The following SPECC1 variants were observed in gnomAD, a reference collection of about 807,000 sequenced individuals.
The protein encoded by SPECC1 is cytospin-B.
SPECC1 carries 62 observed loss-of-function variants against 104.1 expected under a neutral mutation model. The observed-to-expected ratio is 0.60, with a 90% CI of 0.49 to 0.74. The LOEUF (loss-of-function observed/expected upper bound fraction) is 0.74, where lower values mean the gene tolerates loss of function less well. Ranked by LOEUF, SPECC1 falls within the 30% of genes least tolerant of loss-of-function variation. SPECC1 has a pLI of 0.00. For missense variants in SPECC1, 1,306 were observed against 1,310.5 expected (o/e 1.00, Z 0.05); for synonymous variants, 513 against 501.6 (o/e 1.02, Z -0.30).
chr17:20,205,026 C>T lies in SPECC1; in HGVS notation c.977C>T (p.Pro326Leu). 1 of 1,614,084 alleles carries T rather than the reference C, an allele frequency of 6.2e-7. No individual in the cohort carries two copies. Among genetic ancestry groups the T allele is most frequent in the Non-Finnish European group, 8.5e-7 (1 of 1,180,004 alleles). Residue 326 changes from proline (P) to leucine (L), a missense_variant, in exon 4 of 15, where the codon CCA becomes CTA. Physicochemically the swap from Pro to Leu is moderately conservative, Grantham distance 98 (BLOSUM62 -3). This residue lies in a region of SPECC1 where 1,177 missense variants were observed against 1,139.9 expected (regional missense o/e 1.03). Transcript: ENST00000395527. ...GATGTTACCAAAGCTTCTTTGTCGC[C>T]AGATGCTTCCGACTTTGAGCACATT... Reference protein sequence around the residue: ...SSDVTKASLSPDASDFEHITA... With the variant: ...SSDVTKASLSLDASDFEHITA...
chr17:20,250,709 G>A (rs1442625144), intron 9 of SPECC1, among the ~76,000 whole-genome samples: 1 of 152,164 alleles, frequency 6.6e-6, no homozygotes, highest in Non-Finnish European at 1.5e-5. Flanking sequence ...TAGGAAAGAG[G>A]TCAGCATAGC....
At chr17:20,255,358 G>A (rs369088497) in intron 10 of SPECC1, among the ~76,000 whole-genome samples, 44 of 152,328 alleles carry the variant, frequency 2.9e-4, no homozygotes, top group African/African-American at 9.9e-4. Flanking sequence ...CACCATCTCC[G>A]TGCTTGCTGT....
chr17:20,286,636 C>G (rs2040956136), intron 12 of SPECC1, among the ~76,000 whole-genome samples: 1 of 152,184 alleles, frequency 6.6e-6, no homozygotes, highest in Non-Finnish European at 1.5e-5. Flanking sequence ...TGCCCGGCCA[C>G]CCATGTCCCA....
At chr17:20,228,702 C>T (rs984510329) in intron 5 of SPECC1, among the ~76,000 whole-genome samples, 3 of 152,132 alleles carry the variant, frequency 2.0e-5, no homozygotes, top group African/African-American at 7.2e-5. Flanking sequence ...AGATGTTTGC[C>T]ACTTAGTTGC....
intron 1 of SPECC1, among the ~76,000 whole-genome samples, chr17:20,044,706 G>C (rs1329351685): frequency 6.6e-6 from 1 of 152,144 alleles, no homozygotes; most frequent in African/African-American, 2.4e-5. Flanking sequence ...TTTTAATAAG[G>C]GTTCCAAATG....
At chr17:20,111,691 A>G (rs1341798264) in intron 3 of SPECC1, 2 of 602,070 alleles carry the variant, frequency 3.3e-6, no homozygotes, top group Admixed American at 2.5e-5. Flanking sequence ...TGTGTCCCCA[A>G]AAGCAGGAAG....
chr17:20,156,446 C>G (rs2032539767), intron 3 of SPECC1, among the ~76,000 whole-genome samples: 1 of 152,186 alleles, frequency 6.6e-6, no homozygotes, highest in Non-Finnish European at 1.5e-5. Flanking sequence ...TCGTCCTGAA[C>G]GCGCACCTGG....
chr17:20,228,229 A>G (rs953342872), intron 5 of SPECC1, among the ~76,000 whole-genome samples: 2 of 152,156 alleles, frequency 1.3e-5, no homozygotes, highest in African/African-American at 2.4e-5. Context: ...GTCTTGCTCT[A>G]TCACCCTGGC....
chr17:20,190,541 A>G (rs1038193145), intron 3 of SPECC1, among the ~76,000 whole-genome samples: 20 of 152,126 alleles, frequency 1.3e-4, no homozygotes, highest in African/African-American at 4.8e-4. Flanking sequence ...TGAAAAGTAC[A>G]AGTTTTCCTA....
intron 1 of SPECC1, among the ~76,000 whole-genome samples, chr17:20,059,752 C>T (rs747722564): frequency 6.6e-6 from 1 of 152,170 alleles, no homozygotes; most frequent in Non-Finnish European, 1.5e-5. Context: ...GTCCCAGCTA[C>T]TTGGGAGGCT....
intron 13 of SPECC1, among the ~76,000 whole-genome samples, chr17:20,298,048 G>T (rs917651439): frequency 6.6e-6 from 1 of 152,174 alleles, no homozygotes; most frequent in South Asian, 2.1e-4. Flanking sequence ...GACTGCAGCG[G>T]TGATGTCAGA....
intron 12 of SPECC1, among the ~76,000 whole-genome samples, chr17:20,262,274 GTATTTCC>G (rs1413659900): frequency 1.3e-5 from 2 of 152,168 alleles, no homozygotes; most frequent in Non-Finnish European, 2.9e-5. Flanking sequence ...GTTCTTGTGC[GTATTTCC>G]TGAAAAACAT....
Position 20,260,285 on chromosome 17 carries a change from A to C in SPECC1, c.2931A>C (p.Gln977His), listed in dbSNP as rs771078181. The change falls in exon 12 of 15, where the codon CAA (glutamine) becomes CAC (histidine). Residue 977 changes from glutamine to histidine, a missense_variant. Coordinates refer to ENST00000395527, the MANE Select transcript of SPECC1 (RefSeq NM_001243439.2). The part of the protein sequence containing the change: ...ALLKWCQKKT[Q>H]GYANIDITNF... ...TGAAATGGTGCCAGAAGAAGACACA[A>C]GGTTATGCGGTAAGGGACAACATCA... The C allele has an allele frequency of 6.2e-7, 1 of 1,613,872 alleles. No homozygotes were observed.
Position 20,316,292 on chromosome 17 carries a change from T to C in SPECC1, c.*2227T>C. Reference sequence around the variant, plus strand: ...AAGCTGGAATTAGTCCAGGGTTTTATGTGGGGAGGCAGTTGCTGTCTTGGG... The same window carrying C: ...AAGCTGGAATTAGTCCAGGGTTTTACGTGGGGAGGCAGTTGCTGTCTTGGG... On this transcript the variant is annotated 3_prime_UTR_variant, in exon 15 of 15. Coordinates refer to ENST00000395527, the MANE Select transcript of SPECC1 (RefSeq NM_001243439.2). The C allele has an allele frequency of 4.3e-6, 1 of 231,504 alleles. No individual in the cohort carries two copies. Among genetic ancestry groups the C allele is most frequent in the Non-Finnish European group, 8.6e-6 (1 of 116,922 alleles). 14.3% of individuals were successfully genotyped at this position (231,504 alleles called of 1,614,324 possible).
At chr17:20,093,823 C>T (rs2047520560) in intron 1 of SPECC1, among the ~76,000 whole-genome samples, 1 of 151,190 alleles carries the variant, frequency 6.6e-6, no homozygotes, top group African/African-American at 2.4e-5. Context: ...CTCTGCCTCC[C>T]GGGTTCAAGT....
At chr17:20,248,346 T>C (rs987382230) in intron 9 of SPECC1, among the ~76,000 whole-genome samples, 2 of 152,158 alleles carry the variant, frequency 1.3e-5, no homozygotes, top group Non-Finnish European at 2.9e-5. Context: ...CAGTCCCTTA[T>C]AGTTCAATAA....
At chr17:20,013,369 TTC>T (rs2044006084) in intron 1 of SPECC1, among the ~76,000 whole-genome samples, 1 of 152,242 alleles carries the variant, frequency 6.6e-6, no homozygotes, top group Non-Finnish European at 1.5e-5. Flanking sequence ...ACATCTGTTA[TTC>T]TCTCTCTTTT....
At chr17:20,239,878 G>GTTTT (rs60216339) in intron 7 of SPECC1, among the ~76,000 whole-genome samples, 1 of 36,946 alleles carries the variant, frequency 2.7e-5, no homozygotes, top group Non-Finnish European at 4.4e-5. Context: ...ATTTCGCTGA[G>GTTTT]TTTTTTTTTT....
At chr17:20,088,966 C>T (rs2047291644) in intron 1 of SPECC1, among the ~76,000 whole-genome samples, 1 of 152,222 alleles carries the variant, frequency 6.6e-6, no homozygotes, top group Admixed American at 6.5e-5. Context: ...AGAGTGAGCC[C>T]TCACCAGACA....
Sources: gnomAD v4.1 joint callset for allele counts (sites outside exome capture counted in the v4.1 genomes callset) on GRCh38, gnomAD v4.1.1 for gene constraint, gnomAD v4.1.1 regional missense constraint, MANE v1.5 for transcripts, NCBI Gene and HGNC (gene_info 2026-07-23, HGNC 2026-07-21) for gene names.